The following IL17RA variants were observed in gnomAD, a reference collection of about 807,000 sequenced individuals.
The protein encoded by IL17RA is interleukin-17 receptor A.
A neutral mutation model predicts 50.4 loss-of-function variants in IL17RA; 34 were observed. The observed-to-expected ratio is 0.67, with a 90% CI of 0.51 to 0.90. The LOEUF (loss-of-function observed/expected upper bound fraction) is 0.90, where lower values mean the gene tolerates loss of function less well. Among genes scored for constraint, IL17RA ranks in the 40% least tolerant of loss-of-function variants. The pLI is 0.00. For missense variants in IL17RA, 1,276 were observed against 1,169.8 expected, an observed-to-expected ratio of 1.09 and a Z score of -1.32; for synonymous variants, 585 against 510.4, an observed-to-expected ratio of 1.15 and a Z score of -1.97.
chr22:17,097,666 C>T (rs1601340829), intron 2 of IL17RA, 131 bp from the exon 3 acceptor site: 10 of 1,043,990 alleles, frequency 9.6e-6, no homozygotes, highest in South Asian at 5.4e-5. Context: ...GCTGAGGACG[C>T]GGCCAAGGGC....
intron 1 of IL17RA, among the ~76,000 whole-genome samples, chr22:17,094,679 C>G (rs1478552376): frequency 0.051 from 2,490 of 48,728 alleles, 366 homozygotes; most frequent in Non-Finnish European, 0.07. Context: ...CTCTCTCTCT[C>G]TCTCTCTCTC....
rs1329057007 is a variant in IL17RA, at chr22:17,111,639, A to G, written c.*1819A>G. The G allele has an allele frequency of 1.3e-5, 2 of 152,160 alleles. No individual in the cohort carries two copies. The highest frequency in any genetic ancestry group is 6.5e-5 in the Admixed American group (1 of 15,276). The allele number at this position is 152,160 out of a possible 1,614,324, so 9.4% of individuals were successfully genotyped here. On this transcript the variant is annotated 3_prime_UTR_variant, in exon 13 of 13. Transcript: ENST00000319363. The stretch of plus-strand genomic sequence containing the variant: ...CTGGAATAGGGTGCCCTTCATTCCT[A>G]TGCCTGAGTCCTTAACTATATTTCC...
Position 17,107,774 on chromosome 22 carries a change from T to C in IL17RA, c.1087+6T>C. 6.2e-7 allele frequency: 1 copy of C among 1,613,176 alleles called. No homozygotes were observed. Among genetic ancestry groups the C allele is most frequent in the Non-Finnish European group, 8.5e-7 (1 of 1,179,110 alleles). ...TGATGACACCAAATACACCGGTCAG[T>C]ATTTCCTGGTTTGCATGTTTGCTTA... On this transcript the variant is annotated splice_donor_region_variant and intron_variant, in intron 12 of 12. Coordinates refer to ENST00000319363, the MANE Select transcript of IL17RA (RefSeq NM_014339.7).
At position 17,110,204 on chromosome 22, in the gene IL17RA, A is replaced by G. The variant is rs2061435218; in HGVS notation, c.*384A>G. 1.3e-5 allele frequency: 4 copies of G among 319,454 alleles called. No individual in the cohort carries two copies. The highest frequency in any genetic ancestry group is 7.8e-5 in the South Asian group (3 of 38,650). The allele number at this position is 319,454 out of a possible 1,614,324, so 19.8% of individuals were successfully genotyped here. On this transcript the variant is annotated 3_prime_UTR_variant, in exon 13 of 13. Transcript: ENST00000319363. ...ACCGCTAGTGCCGAGGACACGTTAAACGAACAGGATGGGCCGGGCACGGTG... is the reference window on the plus strand; with the variant it reads ...ACCGCTAGTGCCGAGGACACGTTAAGCGAACAGGATGGGCCGGGCACGGTG...
Position 17,097,073 on chromosome 22 carries a change from C to A in IL17RA, c.150C>A (p.Cys50Ter). ...TCTTTTTTCCACAGGGGCTAAACTG[C>A]ACGGTCAAGAATAGTAAGTCATCTT... is the stretch of plus-strand genomic sequence containing the variant. ...ALVCSQPGLNCTVKNSTCLDD... is the reference protein window; with the variant it reads ...ALVCSQPGLN Residue 50 changes from cysteine (C) to a stop codon, truncating the protein, a stop_gained, in exon 2 of 13, where the codon TGC becomes TGA. Coordinates refer to ENST00000319363, the MANE Select transcript of IL17RA (RefSeq NM_014339.7). LOFTEE classifies it high-confidence loss of function. 6.2e-7 allele frequency: 1 copy of A among 1,613,710 alleles called. No individual in the cohort carries two copies. Among genetic ancestry groups the A allele is most frequent in the South Asian group, 1.1e-5 (1 of 91,074 alleles).
chr22:17,098,353 T>C (rs1457492835), intron 3 of IL17RA, among the ~76,000 whole-genome samples: 1 of 152,160 alleles, frequency 6.6e-6, no homozygotes, highest in Non-Finnish European at 1.5e-5. Context: ...GTTACAGAAT[T>C]GGGACGATTG....
At position 17,085,029 on chromosome 22, in the gene IL17RA, C is replaced by A; in HGVS notation, c.-63C>A. 1 of 1,296,014 alleles carries A rather than the reference C, an allele frequency of 7.7e-7. No homozygotes were observed. Among genetic ancestry groups the A allele is most frequent in the Non-Finnish European group, 9.8e-7 (1 of 1,021,786 alleles). The allele number at this position is 1,296,014 out of a possible 1,614,324, so 80.3% of individuals were successfully genotyped here. On this transcript the variant is annotated 5_prime_UTR_variant, in exon 1 of 13. Transcript: ENST00000319363. ...CGAACTCCACCGCGGAAAAGAAAGC[C>A]TCAGAACGTTCGTTCGCTGCGTCCC...
At position 17,111,158 on chromosome 22, in the gene IL17RA, G is replaced by C. The variant is rs192058258; in HGVS notation, c.*1338G>C. ...AGTCCTGAGGCCTGGGGCACCTTTCGTCTGATGAGCCTCTGCATGGAGAGA... is the reference window on the plus strand; with the variant it reads ...AGTCCTGAGGCCTGGGGCACCTTTCCTCTGATGAGCCTCTGCATGGAGAGA... On this transcript the variant is annotated 3_prime_UTR_variant, in exon 13 of 13. Coordinates refer to ENST00000319363, the MANE Select transcript of IL17RA (RefSeq NM_014339.7). The C allele has an allele frequency of 6.6e-6, 1 of 152,162 alleles. No homozygotes were observed. The highest frequency in any genetic ancestry group is 1.5e-5 in the Non-Finnish European group (1 of 68,074). 9.4% of individuals were successfully genotyped at this position (152,162 alleles called of 1,614,324 possible).
intron 1 of IL17RA, among the ~76,000 whole-genome samples, chr22:17,096,824 C>T (rs1194740825): frequency 1.3e-5 from 2 of 149,102 alleles, no homozygotes; most frequent in African/African-American, 2.5e-5. Context: ...GAGCTGAGAT[C>T]GCGCCACTGC....
At chr22:17,087,497 A>G (rs971253592) in intron 1 of IL17RA, among the ~76,000 whole-genome samples, 2 of 152,264 alleles carry the variant, frequency 1.3e-5, no homozygotes, top group African/African-American at 4.8e-5. Context: ...GCTGGAGCAC[A>G]GGATGCGGGG....
chr22:17,108,600 C>T lies in IL17RA; in HGVS notation c.1381C>T (p.Arg461Trp), dbSNP rs554211497. 178 of 1,604,570 alleles carry T rather than the reference C, an allele frequency of 1.1e-4. 1 individual carries two copies. In the East Asian group the frequency reaches 2.4e-3, roughly 21 times the overall value. Residue 461 changes from arginine (R) to tryptophan (W), a missense_variant, in exon 13 of 13, where the codon CGG becomes TGG. Coordinates refer to ENST00000319363, the MANE Select transcript of IL17RA (RefSeq NM_014339.7). ...TRAKWQALLG[R>W]GAPVRLRCDH... is the part of the protein sequence containing the mutation. ...CGCCAAGTGGCAGGCGCTCCTGGGC[C>T]GGGGGGCGCCTGTGCGGCTGCGCTG...
chr22:17,094,289 C>T (rs1466331538), intron 1 of IL17RA, among the ~76,000 whole-genome samples: 1 of 152,034 alleles, frequency 6.6e-6, no homozygotes, highest in Non-Finnish European at 1.5e-5. Context: ...GCCCAGCCAA[C>T]ACTCTTCTTT....
At chr22:17,098,926 T>C (rs773322899) in intron 4 of IL17RA, 39 bp downstream of exon 4, 1 of 1,470,384 alleles carries the variant, frequency 6.8e-7, no homozygotes, top group Non-Finnish European at 9.5e-7. Context: ...GTTCCACTGA[T>C]GACACCAGTA....
Position 17,109,137 on chromosome 22 carries a change from G to A in IL17RA, c.1918G>A (p.Gly640Arg), listed in dbSNP as rs1221696207. Reference sequence around the variant, plus strand: ...CTGCCTGGCCATAGACCCGCTGGTCGGGGAGGAAGGAGGAGCAGCAGTGGC... The same window carrying A: ...CTGCCTGGCCATAGACCCGCTGGTCAGGGAGGAAGGAGGAGCAGCAGTGGC... ...QACLAIDPLV[G>R]EEGGAAVAKL... The change falls in exon 13 of 13, where the codon GGG becomes AGG. Residue 640 changes from glycine to arginine, a missense_variant. Transcript: ENST00000319363. The A allele has an allele frequency of 1.9e-6, 3 of 1,539,720 alleles. No homozygotes were observed. Among genetic ancestry groups the A allele is most frequent in the South Asian group, 1.2e-5 (1 of 84,518 alleles).
chr22:17,108,399 G>T lies in IL17RA; in HGVS notation c.1180G>T (p.Val394Leu). 2 of 1,614,072 alleles carry T rather than the reference G, an allele frequency of 1.2e-6. No homozygotes were observed. Among genetic ancestry groups the T allele is most frequent in the Non-Finnish European group, 1.7e-6 (2 of 1,179,986 alleles). Residue 394 changes from valine to leucine, a missense_variant, in exon 13 of 13, where the codon GTG becomes TTG. Physicochemically the swap from Val to Leu is conservative, Grantham distance 32. Transcript: ENST00000319363. ...AGCCGACCACCCCCTCTACGTGGAC[G>T]TGGTCCTGAAATTCGCCCAGTTCCT... is the stretch of plus-strand genomic sequence containing the variant. ...YSADHPLYVD[V>L]VLKFAQFLLT...
In IL17RA at chr22:17,100,323, C is replaced by T. The variant is rs41385849; in HGVS notation, c.424-32C>T. On this transcript the variant is annotated intron_variant, in intron 4 of 12. Coordinates refer to ENST00000319363, the MANE Select transcript of IL17RA (RefSeq NM_014339.7). ...GATGGGTGACAGAGGTGTGTGTAAT[C>T]CATCCACCTTCCCTTCCTCCCTTCT... 160 of 1,613,188 alleles carry T rather than the reference C, an allele frequency of 9.9e-5. No individual in the cohort carries two copies. The African/African-American group carries it at 1.5e-3, about 15-fold the overall frequency.
rs769646719 is a variant in IL17RA at position 17,108,770 on chromosome 22, C to G, written c.1551C>G (p.Phe517Leu). 1.8e-5 allele frequency: 29 copies of G among 1,608,594 alleles called. No homozygotes were observed. Among genetic ancestry groups the G allele is most frequent in the Admixed American group, 8.4e-5 (5 of 59,412 alleles). Residue 517 changes from phenylalanine (F) to leucine (L), a missense_variant, in exon 13 of 13, where the codon TTC becomes TTG. Phe to Leu is a conservative substitution (Grantham distance 22, BLOSUM62 0). Coordinates refer to ENST00000319363, the MANE Select transcript of IL17RA (RefSeq NM_014339.7). ...GTGACGGCGACGTCCCCGACCTGTT[C>G]GGCGCGGCGCCGCGGTACCCGCTCA... ...VSCDGDVPDL[F>L]GAAPRYPLMD...
At chr22:17,096,077 T>C (rs959744613) in intron 1 of IL17RA, among the ~76,000 whole-genome samples, 1 of 152,270 alleles carries the variant, frequency 6.6e-6, no homozygotes, top group East Asian at 1.9e-4. Context: ...AGCATCTGAC[T>C]TTCCACCCCG....
chr22:17,086,949 G>T (rs1308524747), intron 1 of IL17RA, among the ~76,000 whole-genome samples: 1 of 152,218 alleles, frequency 6.6e-6, no homozygotes, highest in African/African-American at 2.4e-5. Context: ...GACTTTCACT[G>T]CACAGTGAAG....
Sources: allele counts gnomAD v4.1 joint callset (sites outside exome capture counted in the v4.1 genomes callset), GRCh38; gene constraint gnomAD v4.1.1; transcripts MANE v1.5; gene names NCBI Gene and HGNC (gene_info 2026-07-23, HGNC 2026-07-21).